Variants in ADAMTS9 observed in about 807,000 individuals in gnomAD.
ADAMTS9 encodes the protein A disintegrin and metalloproteinase with thrombospondin motifs 9.
A neutral mutation model predicts 257.1 loss-of-function variants in ADAMTS9; 107 were observed. The ratio of observed to expected loss-of-function variants is 0.42; its 90% CI spans 0.36 to 0.49. The LOEUF is 0.49. ADAMTS9 is among the 20% of genes least tolerant of loss of function. The pLI is 0.03. For synonymous variants in ADAMTS9, 982 were observed against 880.9 expected (o/e 1.11, Z -2.03); for missense variants, 2,353 against 2,469.1 (o/e 0.95, Z 1.00).
At position 64,605,409 on chromosome 3, in the gene ADAMTS9, T is replaced by A. The variant is rs2084538699; in HGVS notation, c.3475-1078A>T. ...TATATTTTTTATTATAAGTCACATA[T>A]GTTGGTTAATTGATCGATGATGACA... On this transcript the variant is annotated intron_variant, in intron 23 of 39. Coordinates refer to ENST00000498707, the MANE Select transcript of ADAMTS9 (RefSeq NM_182920.2). 5.9e-5 allele frequency among the ~76,000 whole-genome samples: 9 copies of A among 152,352 alleles called. No homozygotes were observed. The South Asian group carries it at 1.9e-3, about 32-fold the overall frequency.
intron 2 of ADAMTS9, among the ~76,000 whole-genome samples, chr3:64,684,607 A>T (rs1284000943): frequency 6.6e-6 from 1 of 152,174 alleles, no homozygotes; most frequent in Non-Finnish European, 1.5e-5. Flanking sequence ...ACCAGAACGC[A>T]TATCTTTAAG....
At position 64,687,522 on chromosome 3, in the gene ADAMTS9, C is replaced by CG; in HGVS notation, c.115+20dup. 1 of 1,511,240 alleles carries CG rather than the reference C, an allele frequency of 6.6e-7. No individual in the cohort carries two copies. Among genetic ancestry groups the CG allele is most frequent in the Non-Finnish European group, 8.9e-7 (1 of 1,124,516 alleles). The allele number at this position is 1,511,240 out of a possible 1,614,324, so 93.6% of individuals were successfully genotyped here. On this transcript the variant is annotated intron_variant, in intron 1 of 39. Coordinates refer to ENST00000498707, the MANE Select transcript of ADAMTS9 (RefSeq NM_182920.2). The surrounding 1 kb of genome is among the most constrained non-coding windows in gnomAD (Gnocchi z 4.4). ...GGCGGCGTCGGGGCCGGCGGGGTCC[C>CG]GGGGGCCGGAGCCTGGTTACCTTGC...
chr3:64,680,179 C>A (rs1323097762), intron 3 of ADAMTS9, among the ~76,000 whole-genome samples: 1 of 152,104 alleles, frequency 6.6e-6, no homozygotes, highest in Non-Finnish European at 1.5e-5. Context: ...CAACCTGGTA[C>A]AGGTATAAGA....
intron 19 of ADAMTS9, 96 bp downstream of exon 19, chr3:64,621,018 A>G: frequency 1.4e-6 from 2 of 1,442,622 alleles, no homozygotes; most frequent in Non-Finnish European, 1.9e-6. Flanking sequence ...AAGGGGAACT[A>G]AAGACCAGCA....
At chr3:64,573,843 C>A (rs2083762277) in intron 28 of ADAMTS9, among the ~76,000 whole-genome samples, 1 of 152,168 alleles carries the variant, frequency 6.6e-6, no homozygotes, top group South Asian at 2.1e-4. Flanking sequence ...CCTACTATTC[C>A]ACTGAAGAAA....
At chr3:64,656,791 G>C (rs1331935604) in intron 4 of ADAMTS9, among the ~76,000 whole-genome samples, 1 of 151,998 alleles carries the variant, frequency 6.6e-6, no homozygotes, top group Non-Finnish European at 1.5e-5. Flanking sequence ...GGGTTGGGGG[G>C]CGCAGAGGGG....
chr3:64,589,344 T>G (rs1157429758), intron 28 of ADAMTS9: 1 of 152,204 alleles, frequency 6.6e-6, no homozygotes, highest in African/African-American at 2.4e-5. Context: ...AGGCACATCC[T>G]TTATGGAATA....
chr3:64,613,535 G>C, intron 21 of ADAMTS9, 26 bp from the exon 22 acceptor site: 2 of 1,603,676 alleles, frequency 1.2e-6, no homozygotes, highest in Non-Finnish European at 1.7e-6. Flanking sequence ...GAGCTAGTCA[G>C]GGTCATTTCT....
chr3:64,671,406 G>A (rs1701483815), intron 3 of ADAMTS9, among the ~76,000 whole-genome samples: 1 of 152,070 alleles, frequency 6.6e-6, no homozygotes, highest in South Asian at 2.1e-4. Flanking sequence ...GCCAAAACCT[G>A]CAGAACTGTA....
At chr3:64,625,837 G>A (rs1361747610) in intron 16 of ADAMTS9, among the ~76,000 whole-genome samples, 1 of 152,140 alleles carries the variant, frequency 6.6e-6, no homozygotes, top group Non-Finnish European at 1.5e-5. Flanking sequence ...TAGCCTCCCT[G>A]TAACTTTACA....
At chr3:64,525,022 C>A (rs1189221892) in intron 38 of ADAMTS9, among the ~76,000 whole-genome samples, 6 of 152,164 alleles carry the variant, frequency 3.9e-5, no homozygotes, top group Non-Finnish European at 8.8e-5. Flanking sequence ...ACCTTCCTGA[C>A]CTGGTTATCT....
chr3:64,667,352 G>A (rs557787115), intron 3 of ADAMTS9, among the ~76,000 whole-genome samples: 3 of 152,276 alleles, frequency 2.0e-5, no homozygotes, highest in African/African-American at 4.8e-5. Context: ...GTGCTGAGTC[G>A]CATGATTGCC....
rs966706505 is a variant in ADAMTS9 at position 64,519,415 on chromosome 3, C to T, written c.*6-2294G>A. On this transcript the variant is annotated intron_variant, in intron 39 of 39. Coordinates refer to ENST00000498707, the MANE Select transcript of ADAMTS9 (RefSeq NM_182920.2). ...CCTATTGAAACAATTTTTTCAAAAT[C>T]GAAGAAGAGATATTCCTTCCTAACT... 2.6e-5 allele frequency among the ~76,000 whole-genome samples: 4 copies of T among 152,144 alleles called. No homozygotes were observed. The East Asian group carries it at 5.8e-4, about 22-fold the overall frequency.
intron 28 of ADAMTS9, among the ~76,000 whole-genome samples, chr3:64,573,101 G>T (rs1353400303): frequency 1.6e-5 from 2 of 126,910 alleles, no homozygotes; most frequent in Non-Finnish European, 3.2e-5. Flanking sequence ...AAAAAAAAAT[G>T]GAAAAAGAAA....
chr3:64,599,079 G>A (rs1454394693), intron 26 of ADAMTS9, among the ~76,000 whole-genome samples: 2 of 152,124 alleles, frequency 1.3e-5, no homozygotes, highest in Admixed American at 6.5e-5. Context: ...GCTTCCTACC[G>A]AGAATCCAAC....
intron 16 of ADAMTS9, among the ~76,000 whole-genome samples, chr3:64,627,819 A>G (rs1173142975): frequency 6.6e-6 from 1 of 152,184 alleles, no homozygotes; most frequent in Non-Finnish European, 1.5e-5. Flanking sequence ...ACTGAAAAAA[A>G]ACATAAGGGA....
At chr3:64,632,683 T>G (rs954007956) in intron 14 of ADAMTS9, among the ~76,000 whole-genome samples, 5 of 152,218 alleles carry the variant, frequency 3.3e-5, no homozygotes, top group Non-Finnish European at 7.3e-5. Flanking sequence ...GAACTAATCT[T>G]TGAGGAAAAA....
intron 2 of ADAMTS9, among the ~76,000 whole-genome samples, chr3:64,681,651 C>G (rs1018204081): frequency 6.6e-6 from 1 of 152,024 alleles, no homozygotes. Flanking sequence ...TCAAGCAAAC[C>G]CCCCACCTCA....
chr3:64,655,221 T>C (rs889770091), intron 6 of ADAMTS9, among the ~76,000 whole-genome samples: 6 of 152,356 alleles, frequency 3.9e-5, no homozygotes, highest in Admixed American at 2.0e-4. Flanking sequence ...TTGCCTGTTA[T>C]ATAAGGCATG....
Sources: gnomAD v4.1 joint callset for allele counts (sites outside exome capture counted in the v4.1 genomes callset) on GRCh38, gnomAD v4.1.1 for gene constraint, Gnocchi (gnomAD v3.1) non-coding constraint, MANE v1.5 for transcripts, NCBI Gene and HGNC (gene_info 2026-07-23, HGNC 2026-07-21) for gene names.